CATSPERB: variants seen among roughly 807,000 people sequenced by gnomAD.
CATSPERB encodes the protein cation channel sperm-associated auxiliary subunit beta.
Under a neutral mutation model 128.3 loss-of-function variants are expected in CATSPERB, and 93 were observed. That is an observed-to-expected ratio of 0.72 (90% CI 0.61 to 0.86). The LOEUF (loss-of-function observed/expected upper bound fraction) is 0.86, where lower values mean the gene tolerates loss of function less well. Ranked by LOEUF, CATSPERB falls within the 40% of genes least tolerant of loss-of-function variation. The pLI is 0.00. For synonymous variants in CATSPERB, 381 were observed against 448.8 expected, an observed-to-expected ratio of 0.85 and a Z score of 1.91; for missense variants, 1,153 against 1,329.5, an observed-to-expected ratio of 0.87 and a Z score of 2.06.
At chr14:91,684,645 T>TA (rs1431785104) in intron 10 of CATSPERB, among the ~76,000 whole-genome samples, 32 of 150,472 alleles carry the variant, frequency 2.1e-4, no homozygotes, top group African/African-American at 6.8e-4. Context: ...GAAGGAGTCT[T>TA]ACTCTGTTGC....
At chr14:91,604,311 A>C (rs1893661181) in intron 22 of CATSPERB, 1 of 731,584 alleles carries the variant, frequency 1.4e-6, no homozygotes, top group Admixed American at 1.8e-5. Context: ...GTTTCCAAAC[A>C]AGAAAAATCC....
intron 20 of CATSPERB, among the ~76,000 whole-genome samples, chr14:91,612,942 A>C (rs1158327762): frequency 6.6e-6 from 1 of 152,226 alleles, no homozygotes; most frequent in East Asian, 1.9e-4. Context: ...GCTGCCTTCA[A>C]ATAAAAGACT....
rs747624226 is a variant in CATSPERB, at chr14:91,669,969, T to C, written c.1132A>G (p.Arg378Gly). Residue 378 changes from arginine to glycine, a missense_variant, in exon 14 of 27, where the codon AGG becomes GGG. By Grantham distance (125) the Arg-to-Gly change is moderately radical. Transcript: ENST00000256343. ...CTCACAGAGGCAATGGCAGTTTTCC[T>C]GACCTAGGTAAACAAAGAATGAGCA... is the stretch of plus-strand genomic sequence containing the variant. ...TGVYLFYNKVRKTAIASVSTL... is the reference protein window; with the variant it reads ...TGVYLFYNKVGKTAIASVSTL... 1 of 1,610,648 alleles carries C rather than the reference T, an allele frequency of 6.2e-7. No individual in the cohort carries two copies. The highest frequency in any genetic ancestry group is 1.1e-5 in the South Asian group (1 of 90,010).
At chr14:91,657,887 G>A (rs1894812942) in intron 15 of CATSPERB, among the ~76,000 whole-genome samples, 1 of 152,196 alleles carries the variant, frequency 6.6e-6, no homozygotes, top group African/African-American at 2.4e-5. Flanking sequence ...TGGTGAGGAT[G>A]TGGAGAAAAG....
chr14:91,609,508 T>G (rs1488984428), intron 21 of CATSPERB, among the ~76,000 whole-genome samples: 1 of 152,248 alleles, frequency 6.6e-6, no homozygotes, highest in Non-Finnish European at 1.5e-5. Flanking sequence ...GCTGATTTTA[T>G]GCAGTTATGA....
chr14:91,665,689 G>A (rs987364676), intron 14 of CATSPERB, among the ~76,000 whole-genome samples: 1 of 152,112 alleles, frequency 6.6e-6, no homozygotes, highest in Admixed American at 6.5e-5. Flanking sequence ...GGCTAACATG[G>A]TGAAACCCCC....
intron 11 of CATSPERB, among the ~76,000 whole-genome samples, chr14:91,683,473 C>T (rs905669359): frequency 2.0e-5 from 3 of 151,894 alleles, no homozygotes; most frequent in Admixed American, 6.6e-5. Flanking sequence ...TCTTGGTTTC[C>T]CTCCCTTCCC....
chr14:91,627,109 G>A (rs569384984), intron 17 of CATSPERB, among the ~76,000 whole-genome samples: 1 of 152,314 alleles, frequency 6.6e-6, no homozygotes, highest in South Asian at 2.1e-4. Context: ...TAACCAATTA[G>A]TAAAGATTTT....
chr14:91,627,690 G>C (rs1894193548), intron 17 of CATSPERB, among the ~76,000 whole-genome samples: 1 of 152,186 alleles, frequency 6.6e-6, no homozygotes, highest in South Asian at 2.1e-4. Context: ...TAATAGTCTA[G>C]AGTTGCTTGT....
intron 15 of CATSPERB, among the ~76,000 whole-genome samples, chr14:91,640,980 T>C (rs532114241): frequency 6.7e-6 from 1 of 149,874 alleles, no homozygotes; most frequent in African/African-American, 2.4e-5. Context: ...ATTTCTCTGA[T>C]GGCCAGTGAT....
chr14:91,704,100 G>T (rs2139854311), intron 7 of CATSPERB, among the ~76,000 whole-genome samples: 1 of 152,014 alleles, frequency 6.6e-6, no homozygotes, highest in Non-Finnish European at 1.5e-5. Flanking sequence ...CCATACATTT[G>T]GTATTAGAGT....
intron 10 of CATSPERB, among the ~76,000 whole-genome samples, chr14:91,685,850 G>A (rs1273646165): frequency 6.6e-6 from 1 of 152,172 alleles, no homozygotes; most frequent in East Asian, 1.9e-4. Context: ...GCTGCAGGTA[G>A]AGGCAGGCAC....
At chr14:91,598,753 G>A (rs1704659) in intron 22 of CATSPERB, among the ~76,000 whole-genome samples, 90,617 of 151,196 alleles carry the variant, frequency 0.6, 27,840 homozygotes, top group East Asian at 0.94. Context: ...AGCTACTTGG[G>A]AGGCTGAGGC....
At chr14:91,586,591 G>GAGAGAGAC (rs1893306108) in intron 26 of CATSPERB, among the ~76,000 whole-genome samples, 2 of 152,032 alleles carry the variant, frequency 1.3e-5, no homozygotes, top group Admixed American at 6.6e-5. Flanking sequence ...GAGAGAGAGA[G>GAGAGAGAC]AGACAGAATG....
At chr14:91,654,092 G>A (rs189533271) in intron 15 of CATSPERB, among the ~76,000 whole-genome samples, 9 of 152,288 alleles carry the variant, frequency 5.9e-5, no homozygotes, top group African/African-American at 2.2e-4. Flanking sequence ...AAGGAGGTGG[G>A]TGAGTAGAGG....
chr14:91,666,248 C>T (rs1171041459), intron 14 of CATSPERB, among the ~76,000 whole-genome samples: 1 of 152,228 alleles, frequency 6.6e-6, no homozygotes, highest in Admixed American at 6.5e-5. Context: ...CCTATACTGG[C>T]TTATCCTTGC....
intron 17 of CATSPERB, among the ~76,000 whole-genome samples, chr14:91,634,538 A>G (rs919801340): frequency 6.6e-6 from 1 of 151,818 alleles, no homozygotes; most frequent in African/African-American, 2.4e-5. Flanking sequence ...AAAAGAAGTC[A>G]TTATATAAAA....
chr14:91,688,027 A>G (rs1895404025), intron 10 of CATSPERB, among the ~76,000 whole-genome samples: 1 of 152,082 alleles, frequency 6.6e-6, no homozygotes, highest in Non-Finnish European at 1.5e-5. Flanking sequence ...ACGAATAAAT[A>G]TGAGATAAAA....
chr14:91,674,714 G>A (rs1474015014), intron 11 of CATSPERB, among the ~76,000 whole-genome samples: 3 of 152,044 alleles, frequency 2.0e-5, no homozygotes, highest in Non-Finnish European at 4.4e-5. Flanking sequence ...GAAGTTCCAG[G>A]GGCTAATTTT....
Sources: allele counts gnomAD v4.1 joint callset (sites outside exome capture counted in the v4.1 genomes callset), GRCh38; gene constraint gnomAD v4.1.1; transcripts MANE v1.5; gene names NCBI Gene and HGNC (gene_info 2026-07-23, HGNC 2026-07-21).